TIMP3: variants seen among roughly 807,000 people sequenced by gnomAD.
The protein encoded by TIMP3 is TIMP metallopeptidase inhibitor 3, also known as metalloproteinase inhibitor 3.
TIMP3 carries 11 observed loss-of-function variants against 30.0 expected under a neutral mutation model. The ratio of observed to expected loss-of-function variants is 0.37; its 90% CI spans 0.23 to 0.61. TIMP3 has a LOEUF of 0.61. Among genes scored for constraint, TIMP3 ranks in the 20% least tolerant of loss-of-function variants. The pLI is 0.70. For missense variants in TIMP3, 181 were observed against 276.8 expected (o/e 0.65, Z 2.45); for synonymous variants, 112 against 111.3 (o/e 1.01, Z -0.04).
intron 3 of TIMP3, 50 bp from the exon 4 acceptor site, chr22:32,857,967 T>G: frequency 6.2e-7 from 1 of 1,613,868 alleles, no homozygotes; most frequent in Middle Eastern, 1.7e-4. Flanking sequence ...CTCTCTGGGC[T>G]AGGCTCTGGA....
At chr22:32,844,549 G>T (rs1210181476) in intron 1 of TIMP3, among the ~76,000 whole-genome samples, 1 of 152,144 alleles carries the variant, frequency 6.6e-6, no homozygotes, top group Non-Finnish European at 1.5e-5. Context: ...CTCTATGCCT[G>T]GCTTCTCAGG....
chr22:32,835,076 A>G (rs2047690854), intron 1 of TIMP3, among the ~76,000 whole-genome samples: 2 of 152,036 alleles, frequency 1.3e-5, no homozygotes, highest in Admixed American at 6.6e-5. Flanking sequence ...TTTTCTTTCC[A>G]TGATCAAAAC....
At chr22:32,834,148 T>C (rs1330472283) in intron 1 of TIMP3, among the ~76,000 whole-genome samples, 3 of 151,712 alleles carry the variant, frequency 2.0e-5, no homozygotes, top group Non-Finnish European at 4.4e-5. Context: ...AGGGACTACC[T>C]GAGCCCAGCT....
chr22:32,829,926 C>T (rs530158523), intron 1 of TIMP3, among the ~76,000 whole-genome samples: 2 of 152,346 alleles, frequency 1.3e-5, no homozygotes, highest in Non-Finnish European at 2.9e-5. Flanking sequence ...TTTCCAGTGA[C>T]GCCTCCTCTT....
intron 1 of TIMP3, among the ~76,000 whole-genome samples, chr22:32,828,271 G>A (rs143813982): frequency 2.6e-5 from 4 of 152,188 alleles, no homozygotes; most frequent in African/African-American, 9.7e-5. Flanking sequence ...GCCTTCAAGT[G>A]GGGGAAACTC....
In TIMP3 at chr22:32,859,160, T is replaced by A. The variant is rs1340521201; in HGVS notation, c.439-20T>A. The A allele has an allele frequency of 6.2e-7, 1 of 1,614,152 alleles. No individual in the cohort carries two copies. Among genetic ancestry groups the A allele is most frequent in the Non-Finnish European group, 8.5e-7 (1 of 1,179,940 alleles). On this transcript the variant is annotated intron_variant, in intron 4 of 4. Coordinates refer to ENST00000266085, the MANE Select transcript of TIMP3 (RefSeq NM_000362.5). ...TACCATGGCAGAGTCCATCAACTGC[T>A]GCCTGTTATCTAATTGCAGATCAAG...
intron 1 of TIMP3, among the ~76,000 whole-genome samples, chr22:32,844,001 A>G (rs2146210858): frequency 6.6e-6 from 1 of 152,108 alleles, no homozygotes; most frequent in East Asian, 1.9e-4. Flanking sequence ...AGTCATGGAG[A>G]GGATTTGTAC....
At chr22:32,823,945 G>T (rs1446790301) in intron 1 of TIMP3, among the ~76,000 whole-genome samples, 1 of 152,084 alleles carries the variant, frequency 6.6e-6, no homozygotes, top group African/African-American at 2.4e-5. Context: ...ATCTTATGAA[G>T]TCAGCACATA....
rs2046590538 is a variant in TIMP3 at position 32,801,818 on chromosome 22, G to T, written c.-184G>T. 1.6e-6 allele frequency: 1 copy of T among 624,634 alleles called. No individual in the cohort carries two copies. The allele number at this position is 624,634 out of a possible 1,614,324, so 38.7% of individuals were successfully genotyped here. ...GCCCGCCGAGTCCTGCGCCAGCGCC[G>T]AGGCAGCCTCGCTGCGCCCCATCCC... On this transcript the variant is annotated 5_prime_UTR_variant, in exon 1 of 5. Transcript: ENST00000266085. This position sits in a 1 kb window ranked among gnomAD's most constrained non-coding sequence, Gnocchi z 4.7.
intron 1 of TIMP3, among the ~76,000 whole-genome samples, chr22:32,827,281 G>A (rs765004605): frequency 1.3e-4 from 20 of 152,314 alleles, no homozygotes; most frequent in African/African-American, 3.6e-4. Flanking sequence ...AGAGCCAGGC[G>A]TGGCCTATAG....
intron 1 of TIMP3, among the ~76,000 whole-genome samples, chr22:32,808,270 TTC>T (rs2046819220): frequency 6.6e-6 from 1 of 152,208 alleles, no homozygotes; most frequent in Non-Finnish European, 1.5e-5. Flanking sequence ...GGGTTTTGCT[TTC>T]TGACTCAAAG....
intron 1 of TIMP3, among the ~76,000 whole-genome samples, chr22:32,849,106 G>A (rs1327911013): frequency 6.6e-6 from 1 of 152,188 alleles, no homozygotes; most frequent in African/African-American, 2.4e-5. Flanking sequence ...AGGGAGGGGG[G>A]ACAATGGCTC....
intron 1 of TIMP3, among the ~76,000 whole-genome samples, chr22:32,813,486 TACACACACACACAC>T (rs130277): frequency 2.3e-3 from 316 of 138,284 alleles, no homozygotes; most frequent in African/African-American, 5.1e-3. Context: ...TCTGAAAAGA[TACACACACACACAC>T]ACACACACAC....
intron 1 of TIMP3, among the ~76,000 whole-genome samples, chr22:32,817,359 A>G (rs1359667292): frequency 6.6e-6 from 1 of 152,202 alleles, no homozygotes; most frequent in Non-Finnish European, 1.5e-5. Context: ...GTGTTCTCTG[A>G]ACATATCTAG....
chr22:32,815,755 C>A (rs2047072951), intron 1 of TIMP3, among the ~76,000 whole-genome samples: 1 of 152,160 alleles, frequency 6.6e-6, no homozygotes, highest in South Asian at 2.1e-4. Flanking sequence ...GACTAGGTAA[C>A]TTACCTAGTA....
At chr22:32,841,905 G>A (rs557831780) in intron 1 of TIMP3, among the ~76,000 whole-genome samples, 3 of 152,266 alleles carry the variant, frequency 2.0e-5, no homozygotes, top group East Asian at 1.9e-4. Context: ...TGGCAAAAGC[G>A]TGGGAGCTGT....
chr22:32,816,718 C>CTA (rs1262366311), intron 1 of TIMP3, among the ~76,000 whole-genome samples: 2 of 152,182 alleles, frequency 1.3e-5, no homozygotes, highest in Non-Finnish European at 2.9e-5. Context: ...GGATCATCCT[C>CTA]TAATACCAAG....
At chr22:32,815,818 C>T (rs559697220) in intron 1 of TIMP3, among the ~76,000 whole-genome samples, 50 of 152,214 alleles carry the variant, frequency 3.3e-4, no homozygotes, top group East Asian at 2.5e-3. Flanking sequence ...CTCCAGAGTC[C>T]GAGCAATCTC....
At position 32,852,617 on chromosome 22, in the gene TIMP3, G is replaced by A. The variant is rs117442567; in HGVS notation, c.204+3083G>A. The stretch of plus-strand genomic sequence containing the variant: ...CTTGGAGAACCTGAGACTCCGAGCC[G>A]CCCTGTCTGACCTCTCTCTTCTCTC... On this transcript the variant is annotated intron_variant, in intron 2 of 4. Transcript: ENST00000266085. 2.1e-4 allele frequency among the ~76,000 whole-genome samples: 32 copies of A among 152,238 alleles called. No homozygotes were observed. In the East Asian group the frequency reaches 2.1e-3, roughly 10 times the overall value.
Sources: allele counts gnomAD v4.1 joint callset (sites outside exome capture counted in the v4.1 genomes callset), GRCh38; gene constraint gnomAD v4.1.1; non-coding constraint Gnocchi (gnomAD v3.1); transcripts MANE v1.5; gene names NCBI Gene and HGNC (gene_info 2026-07-23, HGNC 2026-07-21).